ESR1: variants seen among roughly 807,000 people sequenced by gnomAD.
ESR1 encodes the protein estrogen receptor 1, also known as estrogen receptor.
In ESR1, 12 loss-of-function variants were observed where a neutral mutation model predicts 52.7. The ratio of observed to expected loss-of-function variants is 0.23; its 90% CI spans 0.15 to 0.37. The LOEUF is 0.37. Among genes scored for constraint, ESR1 ranks in the 10% least tolerant of loss-of-function variants. The probability of loss-of-function intolerance (pLI) is 1.00; values close to 1 mark genes in which losing one functional copy is unlikely to be tolerated. For missense variants in ESR1, 584 were observed against 779.7 expected (o/e 0.75, Z 2.99); for synonymous variants, 305 against 316.8 (o/e 0.96, Z 0.39).
intron 3 of ESR1, among the ~76,000 whole-genome samples, chr6:151,882,553 A>T (rs1021130567): frequency 2.0e-5 from 3 of 152,226 alleles, no homozygotes; most frequent in Non-Finnish European, 4.4e-5. Context: ...AAGTGACAGG[A>T]ATATAACAGC....
chr6:151,953,443 G>A (rs2036543719), intron 4 of ESR1, among the ~76,000 whole-genome samples: 1 of 152,002 alleles, frequency 6.6e-6, no homozygotes, highest in Admixed American at 6.6e-5. Flanking sequence ...GTGAGGACCG[G>A]CCAGTGCGGT....
At chr6:151,850,851 A>G (rs1241357517) in intron 2 of ESR1, among the ~76,000 whole-genome samples, 1 of 152,118 alleles carries the variant, frequency 6.6e-6, no homozygotes, top group Non-Finnish European at 1.5e-5. Context: ...ACCATTGCTG[A>G]GTTAGCTGCA....
At position 151,997,389 on chromosome 6, in the gene ESR1, T is replaced by C. The variant is rs149061004; in HGVS notation, c.1097-14267T>C. ...ATAAACCCCAACCCTTGTAATCTTT[T>C]TGTGGCAACCTTAGGAAACTTGGAA... On this transcript the variant is annotated intron_variant, in intron 4 of 7. Transcript: ENST00000206249. Among the ~76,000 whole-genome samples the C allele has an allele frequency of 3.2e-3, 486 of 152,260 alleles. 6 individuals are homozygous for C. The highest frequency in any genetic ancestry group is 0.011 in the African/African-American group (458 of 41,564).
intron 1 of ESR1, among the ~76,000 whole-genome samples, chr6:151,671,409 G>A (rs1275552095): frequency 6.6e-6 from 1 of 152,198 alleles, no homozygotes; most frequent in Non-Finnish European, 1.5e-5. Context: ...AGGACATCGT[G>A]CTAAGTGAAA....
At position 152,094,711 on chromosome 6, in the gene ESR1, C is replaced by T; in HGVS notation, c.1553+143C>T. On this transcript the variant is annotated intron_variant, in intron 7 of 7. Coordinates refer to ENST00000206249, the MANE Select transcript of ESR1 (RefSeq NM_000125.4). The surrounding 1 kb of genome is among the most constrained non-coding windows in gnomAD (Gnocchi z 4.6). ...TCCTGGCATAGAATAAGCATAAATGCTATAGGAGGACAGAAGAGAGAGGTT... is the reference window on the plus strand; with the variant it reads ...TCCTGGCATAGAATAAGCATAAATGTTATAGGAGGACAGAAGAGAGAGGTT... 1 of 782,428 alleles carries T rather than the reference C, an allele frequency of 1.3e-6. No homozygotes were observed. The highest frequency in any genetic ancestry group is 2.1e-6 in the Non-Finnish European group (1 of 467,562). The allele number at this position is 782,428 out of a possible 1,614,324, so 48.5% of individuals were successfully genotyped here. A position where few individuals can be genotyped will look rare whatever the true frequency, so the allele number is the denominator to read the frequency against.
At chr6:152,060,444 T>C (rs1485823501) in intron 5 of ESR1, among the ~76,000 whole-genome samples, 1 of 152,196 alleles carries the variant, frequency 6.6e-6, no homozygotes, top group Non-Finnish European at 1.5e-5. Context: ...GAATGCCACC[T>C]ACTTATATAC....
chr6:152,040,997 CA>C (rs2045747627), intron 5 of ESR1, among the ~76,000 whole-genome samples: 1 of 152,142 alleles, frequency 6.6e-6, no homozygotes, highest in Admixed American at 6.5e-5. Context: ...CTAGATGGGT[CA>C]AAAAGCATCT....
Position 151,985,039 on chromosome 6 carries a change from A to G in ESR1, c.1097-26617A>G, listed in dbSNP as rs9383955. Reference sequence around the variant, plus strand: ...TCATGGAGTTGATATGCAATGAAATAGCATATCAATGTATGTATGAATGTC... The same window carrying G: ...TCATGGAGTTGATATGCAATGAAATGGCATATCAATGTATGTATGAATGTC... On this transcript the variant is annotated intron_variant, in intron 4 of 7. Transcript: ENST00000206249. Among the ~76,000 whole-genome samples the G allele has an allele frequency of 3.4e-3, 525 of 152,254 alleles. 5 individuals carry two copies. Among genetic ancestry groups the G allele is most frequent in the East Asian group, 0.013 (66 of 5,178 alleles).
chr6:152,047,074 G>A (rs964525268), intron 5 of ESR1, among the ~76,000 whole-genome samples: 6 of 151,968 alleles, frequency 3.9e-5, no homozygotes, highest in Admixed American at 1.3e-4. Context: ...TGTCACTCAC[G>A]CCTTCATTTA....
chr6:151,794,061 G>A (rs1776458374), intron 2 of ESR1, among the ~76,000 whole-genome samples: 1 of 152,226 alleles, frequency 6.6e-6, no homozygotes, highest in Non-Finnish European at 1.5e-5. Flanking sequence ...GGGGAAGGGA[G>A]GGTTAGCATA....
intron 5 of ESR1, among the ~76,000 whole-genome samples, chr6:152,025,499 C>T (rs2044070807): frequency 6.6e-6 from 1 of 151,802 alleles, no homozygotes; most frequent in Non-Finnish European, 1.5e-5. Context: ...TTATCCATTT[C>T]TTCTTGGTAT....
chr6:151,698,863 A>G (rs1404261594), intron 1 of ESR1, among the ~76,000 whole-genome samples: 2 of 152,234 alleles, frequency 1.3e-5, no homozygotes, highest in Admixed American at 6.5e-5. Flanking sequence ...TTCAACAGGA[A>G]GAACACTGCT....
intron 5 of ESR1, among the ~76,000 whole-genome samples, chr6:152,027,862 G>A (rs1161106698): frequency 2.0e-5 from 3 of 152,098 alleles, no homozygotes; most frequent in Non-Finnish European, 4.4e-5. Flanking sequence ...ATTTGTTTGG[G>A]GGCGGGTGCG....
intron 4 of ESR1, among the ~76,000 whole-genome samples, chr6:151,954,944 T>A (rs921046383): frequency 2.0e-5 from 3 of 152,206 alleles, no homozygotes. Context: ...CGCCTTTACA[T>A]TGGGTCTGTG....
intron 4 of ESR1, among the ~76,000 whole-genome samples, chr6:151,982,610 GA>G (rs2040100979): frequency 6.6e-6 from 1 of 151,274 alleles, no homozygotes; most frequent in African/African-American, 2.5e-5. Flanking sequence ...TCAGCCTCCT[GA>G]GTAGCTGGGA....
At position 151,700,395 on chromosome 6, in the gene ESR1, G is replaced by C. The variant is rs560990354; in HGVS notation, c.-201-1480G>C. Among the ~76,000 whole-genome samples, 17 of 151,962 alleles carry C rather than the reference G, an allele frequency of 1.1e-4. No homozygotes were observed. The East Asian group carries it at 2.9e-3, about 26-fold the overall frequency. ...ATCATTTCCTCATGGAGCAATTTCT[G>C]TACCTCCTTAACTTTAGTAGAACAT... is the stretch of plus-strand genomic sequence containing the variant. On this transcript the variant is annotated intron_variant, in intron 1 of 2. Coordinates refer to the ESR1 transcript ENST00000404742.
intron 5 of ESR1, among the ~76,000 whole-genome samples, chr6:152,060,075 A>G (rs2047427455): frequency 1.3e-5 from 2 of 152,212 alleles, no homozygotes; most frequent in Non-Finnish European, 2.9e-5. Flanking sequence ...GTGATAAAGA[A>G]AAAAATAAAT....
At chr6:151,858,748 A>G (rs1425249538) in intron 2 of ESR1, among the ~76,000 whole-genome samples, 1 of 152,066 alleles carries the variant, frequency 6.6e-6, no homozygotes, top group Non-Finnish European at 1.5e-5. Context: ...GCTTAGAACT[A>G]TACCTGGATT....
At chr6:151,892,147 C>T (rs942152727) in intron 3 of ESR1, among the ~76,000 whole-genome samples, 1 of 152,144 alleles carries the variant, frequency 6.6e-6, no homozygotes, top group Admixed American at 6.6e-5. Flanking sequence ...GAACCTTGGG[C>T]AGATCACATA....
Sources: gnomAD v4.1 joint callset for allele counts (sites outside exome capture counted in the v4.1 genomes callset) on GRCh38, gnomAD v4.1.1 for gene constraint, Gnocchi (gnomAD v3.1) non-coding constraint, MANE v1.5 for transcripts, NCBI Gene and HGNC (gene_info 2026-07-23, HGNC 2026-07-21) for gene names.